The following PATJ variants were observed in gnomAD, a reference collection of about 807,000 sequenced individuals.
PATJ encodes PATJ crumbs cell polarity complex component.
PATJ carries 190 observed loss-of-function variants against 224.9 expected under a neutral mutation model. That is an observed-to-expected ratio of 0.84 (90% CI 0.75 to 0.95). PATJ has a LOEUF of 0.95. Ranked by LOEUF, PATJ falls within the 40% of genes least tolerant of loss-of-function variation. The pLI is 0.00. For synonymous variants in PATJ, 769 were observed against 820.3 expected (o/e 0.94, Z 1.07); for missense variants, 2,121 against 2,270.3 (o/e 0.93, Z 1.34).
Position 62,116,680 on chromosome 1 carries a change from G to A in PATJ, c.4803+1G>A. The A allele has an allele frequency of 3.1e-6, 5 of 1,605,958 alleles. No individual in the cohort carries two copies. The highest frequency in any genetic ancestry group is 4.3e-6 in the Non-Finnish European group (5 of 1,175,984). The stretch of plus-strand genomic sequence containing the variant: ...GGAGACAGTGGCCACCATCCTCAAG[G>A]TGAGTTGCTAGGCTGCTTTTTACCC... On this transcript the variant is annotated splice_donor_variant, in intron 36 of 43. Transcript: ENST00000642238. LOFTEE classifies it high-confidence loss of function.
chr1:61,913,353 C>T lies in PATJ; in HGVS notation c.3493-1234C>T, dbSNP rs181433909. ...CCCCACAAGTATCTGGGATTACAGG[C>T]GCACGCCAACACACCCAGCTAATTT... On this transcript the variant is annotated intron_variant, in intron 25 of 43. Transcript: ENST00000642238. 3.5e-3 allele frequency among the ~76,000 whole-genome samples: 528 copies of T among 152,238 alleles called. 3 individuals carry two copies. Among genetic ancestry groups the T allele is most frequent in the African/African-American group, 0.012 (510 of 41,556 alleles).
At chr1:62,123,826 A>G (rs200939767) in intron 39 of PATJ, among the ~76,000 whole-genome samples, 2 of 107,432 alleles carry the variant, frequency 1.9e-5, no homozygotes, top group African/African-American at 8.8e-5. Flanking sequence ...AACAATTAGC[A>G]TATTTCTCAA....
intron 12 of PATJ, among the ~76,000 whole-genome samples, chr1:61,802,924 C>T (rs567262075): frequency 3.3e-5 from 5 of 152,150 alleles, no homozygotes; most frequent in East Asian, 1.9e-4. Context: ...TCCATGTTCC[C>T]GAGAAGTTTT....
intron 5 of PATJ, among the ~76,000 whole-genome samples, chr1:61,769,774 G>C (rs961896284): frequency 6.6e-6 from 1 of 152,224 alleles, no homozygotes; most frequent in Non-Finnish European, 1.5e-5. Flanking sequence ...ACTGAACATG[G>C]TATTTTAGCT....
chr1:61,978,365 A>G (rs1048131757), intron 27 of PATJ, among the ~76,000 whole-genome samples: 1 of 151,694 alleles, frequency 6.6e-6, no homozygotes, highest in Admixed American at 6.6e-5. Flanking sequence ...TCCTAGGTTC[A>G]AGCGATTCTT....
At chr1:61,816,313 T>A (rs919328653) in intron 14 of PATJ, 3 of 152,170 alleles carry the variant, frequency 2.0e-5, no homozygotes, top group Non-Finnish European at 4.4e-5. Flanking sequence ...GCAAGCATTT[T>A]CCCCTTCCCA....
At chr1:61,989,490 T>A (rs1644946487) in intron 27 of PATJ, among the ~76,000 whole-genome samples, 2 of 152,224 alleles carry the variant, frequency 1.3e-5, no homozygotes. Context: ...TGTATTAATA[T>A]ATATTAATGT....
chr1:61,871,435 G>GTACATATATA (rs72255413), intron 20 of PATJ, among the ~76,000 whole-genome samples: 2 of 72,154 alleles, frequency 2.8e-5, no homozygotes, highest in African/African-American at 1.1e-4. Flanking sequence ...ACATATATAT[G>GTACATATATA]TGTATATACA....
chr1:61,924,821 C>T (rs982195960), intron 26 of PATJ, among the ~76,000 whole-genome samples: 1 of 152,144 alleles, frequency 6.6e-6, no homozygotes, highest in African/African-American at 2.4e-5. Flanking sequence ...CAGCTATAGC[C>T]ATATGTCAAA....
chr1:61,833,874 G>A (rs1203161756), intron 17 of PATJ, 89 bp downstream of exon 17: 1 of 1,205,526 alleles, frequency 8.3e-7, no homozygotes, highest in East Asian at 2.5e-5. Context: ...GACCCCTATT[G>A]ACTTAAGCAA....
chr1:62,122,269 G>A (rs886849966), intron 38 of PATJ, among the ~76,000 whole-genome samples: 4 of 151,016 alleles, frequency 2.6e-5, no homozygotes, highest in Admixed American at 6.6e-5. Flanking sequence ...GGAGGCTGAG[G>A]CAGGAGAATC....
intron 17 of PATJ, among the ~76,000 whole-genome samples, chr1:61,842,278 A>G (rs1022503138): frequency 6.6e-6 from 1 of 152,206 alleles, no homozygotes; most frequent in African/African-American, 2.4e-5. Flanking sequence ...GCAGGGGGAT[A>G]AAGTTAGCAG....
At chr1:62,075,273 G>A (rs1017122256) in intron 31 of PATJ, among the ~76,000 whole-genome samples, 1 of 152,128 alleles carries the variant, frequency 6.6e-6, no homozygotes, top group Non-Finnish European at 1.5e-5. Context: ...AAAATGGAAT[G>A]AGCTTCTTCA....
intron 39 of PATJ, 134 bp from the exon 40 acceptor site, chr1:62,127,837 TC>T: frequency 1.3e-6 from 1 of 772,042 alleles, no homozygotes; most frequent in Admixed American, 2.8e-5. Context: ...CTCCAAAGGT[TC>T]CACATTTAAC....
intron 41 of PATJ, among the ~76,000 whole-genome samples, chr1:62,130,799 C>T (rs939034390): frequency 5.3e-5 from 8 of 152,010 alleles, no homozygotes; most frequent in African/African-American, 1.4e-4. Flanking sequence ...TGCAGTGAGA[C>T]GAGATGGCAC....
At chr1:62,154,718 G>A (rs1570851635) in intron 43 of PATJ, among the ~76,000 whole-genome samples, 1 of 151,744 alleles carries the variant, frequency 6.6e-6, no homozygotes, top group Admixed American at 6.6e-5. Flanking sequence ...GAAGGAATCT[G>A]TCTCTTTCCA....
At chr1:62,092,696 G>GT (rs1171903717) in intron 33 of PATJ, among the ~76,000 whole-genome samples, 1 of 151,826 alleles carries the variant, frequency 6.6e-6, no homozygotes, top group African/African-American at 2.4e-5. Flanking sequence ...GATTACAGGT[G>GT]TGAGCCACTG....
intron 43 of PATJ, among the ~76,000 whole-genome samples, chr1:62,158,727 AAAAC>A (rs1254281849): frequency 1.3e-5 from 2 of 149,062 alleles, no homozygotes; most frequent in South Asian, 2.1e-4. Flanking sequence ...TCTCAAAAAA[AAAAC>A]AAAAAAAAAG....
At chr1:61,867,336 A>G (rs1665582420) in intron 20 of PATJ, among the ~76,000 whole-genome samples, 1 of 152,220 alleles carries the variant, frequency 6.6e-6, no homozygotes, top group Non-Finnish European at 1.5e-5. Context: ...TACTAAATCT[A>G]TGTTAAATTT....
Sources: allele counts gnomAD v4.1 joint callset (sites outside exome capture counted in the v4.1 genomes callset), GRCh38; gene constraint gnomAD v4.1.1; transcripts MANE v1.5; gene names NCBI Gene and HGNC (gene_info 2026-07-23, HGNC 2026-07-21).